Variants in TSC22D1 observed in about 807,000 individuals in gnomAD.
TSC22D1 encodes TSC22 domain family protein 1.
In TSC22D1, 9 loss-of-function variants were observed where a neutral mutation model predicts 74.2. That is an observed-to-expected ratio of 0.12 (90% CI 0.07 to 0.21). TSC22D1 has a LOEUF of 0.21. Ranked by LOEUF, TSC22D1 falls within the 10% of genes least tolerant of loss-of-function variation. TSC22D1 has a pLI of 1.00. For missense variants in TSC22D1, 1,427 were observed against 1,304.7 expected (o/e 1.09, Z -1.44); for synonymous variants, 586 against 492.5 (o/e 1.19, Z -2.51).
intron 1 of TSC22D1, among the ~76,000 whole-genome samples, chr13:44,533,906 C>T (rs1880995157): frequency 6.6e-6 from 1 of 152,210 alleles, no homozygotes. Context: ...TTCACATTAT[C>T]ACTTTTTCTA....
intron 1 of TSC22D1, chr13:44,436,662 A>G (rs753753301): frequency 1.3e-6 from 2 of 1,599,892 alleles, no homozygotes; most frequent in South Asian, 2.3e-5. Flanking sequence ...CGTGGAAAAA[A>G]AGAGGGAACA....
intron 1 of TSC22D1, among the ~76,000 whole-genome samples, chr13:44,565,461 C>G (rs563721206): frequency 1.3e-5 from 2 of 152,110 alleles, no homozygotes; most frequent in South Asian, 4.1e-4. Context: ...TGGAGGGCAG[C>G]TTTTGAATAT....
chr13:44,564,904 G>C (rs1883270251), intron 1 of TSC22D1, among the ~76,000 whole-genome samples: 1 of 152,128 alleles, frequency 6.6e-6, no homozygotes, highest in Admixed American at 6.5e-5. Flanking sequence ...TCAAGATGTA[G>C]AGAGCAAGGA....
intron 1 of TSC22D1, among the ~76,000 whole-genome samples, chr13:44,541,886 T>C (rs1881491756): frequency 6.6e-6 from 1 of 152,156 alleles, no homozygotes; most frequent in Non-Finnish European, 1.5e-5. Flanking sequence ...ATTTTCACAG[T>C]ACCTATATGG....
chr13:44,445,612 C>T (rs1041178128), intron 1 of TSC22D1, among the ~76,000 whole-genome samples: 1 of 151,762 alleles, frequency 6.6e-6, no homozygotes, highest in Admixed American at 6.6e-5. Context: ...AATTAAGTAC[C>T]GCAAGTCACA....
chr13:44,445,628 G>T (rs929628111), intron 1 of TSC22D1, among the ~76,000 whole-genome samples: 15 of 152,018 alleles, frequency 9.9e-5, no homozygotes, highest in African/African-American at 3.4e-4. Context: ...TCACATATCT[G>T]ATAAAGGACT....
intron 1 of TSC22D1, among the ~76,000 whole-genome samples, chr13:44,447,755 T>C (rs1875799236): frequency 6.6e-6 from 1 of 151,674 alleles, no homozygotes; most frequent in Non-Finnish European, 1.5e-5. Flanking sequence ...AGTTTTCCCA[T>C]GGCTGTCTTC....
At chr13:44,553,627 T>C (rs1262105534) in intron 1 of TSC22D1, among the ~76,000 whole-genome samples, 2 of 152,192 alleles carry the variant, frequency 1.3e-5, no homozygotes, top group Non-Finnish European at 2.9e-5. Flanking sequence ...GTAATGGTTC[T>C]ATTTTAGAGT....
At chr13:44,498,715 A>G (rs1393204467) in intron 1 of TSC22D1, among the ~76,000 whole-genome samples, 5 of 152,124 alleles carry the variant, frequency 3.3e-5, no homozygotes, top group African/African-American at 1.2e-4. Context: ...TCACTACCTG[A>G]TCCTCAGTAG....
At chr13:44,455,983 A>C (rs960035569) in intron 1 of TSC22D1, among the ~76,000 whole-genome samples, 12 of 152,234 alleles carry the variant, frequency 7.9e-5, no homozygotes, top group African/African-American at 2.7e-4. Context: ...AAAGAACTCA[A>C]TACTCAAAAA....
intron 1 of TSC22D1, among the ~76,000 whole-genome samples, chr13:44,447,144 T>C (rs1875744060): frequency 6.6e-6 from 1 of 151,178 alleles, no homozygotes; most frequent in African/African-American, 2.4e-5. Context: ...TAGATACCTA[T>C]ACTTTTTTTT....
intron 1 of TSC22D1, among the ~76,000 whole-genome samples, chr13:44,476,158 T>G (rs1342187782): frequency 5.9e-5 from 9 of 152,214 alleles, no homozygotes; most frequent in Admixed American, 5.9e-4. Context: ...TTAAGGGATA[T>G]GGAGTTTTCA....
At chr13:44,504,771 T>C (rs1259967135) in intron 1 of TSC22D1, among the ~76,000 whole-genome samples, 4 of 152,184 alleles carry the variant, frequency 2.6e-5, no homozygotes, top group African/African-American at 9.7e-5. Flanking sequence ...CTACAATGCA[T>C]TAAAGTTTCA....
intron 1 of TSC22D1, among the ~76,000 whole-genome samples, chr13:44,457,010 G>A (rs982482321): frequency 6.6e-6 from 1 of 152,174 alleles, no homozygotes; most frequent in African/African-American, 2.4e-5. Flanking sequence ...AATTAACAGA[G>A]CCTATCAAGT....
intron 1 of TSC22D1, chr13:44,538,688 G>C (rs1023099558): frequency 1.0e-6 from 1 of 985,378 alleles, no homozygotes; most frequent in Non-Finnish European, 1.2e-6. Context: ...AAGTAAACCA[G>C]AGTAATTCTT....
chr13:44,435,107 G>T (rs551328136), intron 2 of TSC22D1: 1 of 474,442 alleles, frequency 2.1e-6, no homozygotes, highest in African/African-American at 2.0e-5. Context: ...CTTCTCTGCA[G>T]ACGTTGGCCA....
intron 1 of TSC22D1, among the ~76,000 whole-genome samples, chr13:44,567,857 C>T (rs76340341): frequency 0.023 from 3,555 of 152,108 alleles, 119 homozygotes; most frequent in African/African-American, 0.076. Context: ...GTACTCAGCA[C>T]AGTGAATGAA....
chr13:44,529,708 T>C (rs750064996), intron 1 of TSC22D1, among the ~76,000 whole-genome samples: 4 of 152,140 alleles, frequency 2.6e-5, no homozygotes, highest in Non-Finnish European at 4.4e-5. Flanking sequence ...AAAAGATTCC[T>C]GCAACTAACA....
At position 44,432,280 on chromosome 13, in the gene TSC22D1, A is replaced by G. The variant is rs1874109343; in HGVS notation, c.*2346T>C. The G allele has an allele frequency of 6.6e-6, 1 of 152,234 alleles. No homozygotes were observed. Among genetic ancestry groups the G allele is most frequent in the Non-Finnish European group, 1.5e-5 (1 of 68,034 alleles). 9.4% of individuals were successfully genotyped at this position (152,234 alleles called of 1,614,324 possible). On this transcript the variant is annotated 3_prime_UTR_variant, in exon 3 of 3. Transcript: ENST00000458659. ...AGAAAAAAACTTCTCCACCATCTTA[A>G]TACACTGACATGAGATTTTTCAAAT...
Sources: allele counts gnomAD v4.1 joint callset (sites outside exome capture counted in the v4.1 genomes callset), GRCh38; gene constraint gnomAD v4.1.1; transcripts MANE v1.5; gene names NCBI Gene and HGNC (gene_info 2026-07-23, HGNC 2026-07-21).